FAHD1: variants seen among roughly 807,000 people sequenced by gnomAD.
FAHD1 encodes FAH domain containing oxaloacetate decarboxylase 1.
Under a neutral mutation model 12.7 loss-of-function variants are expected in FAHD1, and 14 were observed. The observed-to-expected ratio is 1.10, with a 90% CI of 0.73 to 1.72. The LOEUF is 1.72. FAHD1 is among the 40% of genes most tolerant of loss of function. The probability of loss-of-function intolerance (pLI) is 0.00; values close to 1 mark genes in which losing one functional copy is unlikely to be tolerated. For missense variants in FAHD1, 351 were observed against 298.9 expected (o/e 1.17, Z -1.29); for synonymous variants, 153 against 124.9 (o/e 1.22, Z -1.50).
At position 1,827,771 on chromosome 16, in the gene FAHD1, C is replaced by T. The variant is rs778963849; in HGVS notation, c.533C>T (p.Thr178Ile). Residue 178 changes from threonine (T) to isoleucine (I), a missense_variant, in exon 1 of 1, where the codon ACC becomes ATC. Thr to Ile is a moderately conservative substitution (Grantham distance 89). Transcript: ENST00000427358. ...ATCAGCTATGTTTCTAAGATCATAA[C>T]CTTGGAAGAAGGAGATATTATCTTG... 59 of 1,613,938 alleles carry T rather than the reference C, an allele frequency of 3.7e-5. No homozygotes were observed. The highest frequency in any genetic ancestry group is 4.9e-5 in the Non-Finnish European group (58 of 1,180,018).
chr16:1,828,106 C>T (rs184927777), exon 1 of FAHD1: 3 of 1,071,298 alleles, frequency 2.8e-6, no homozygotes, highest in Admixed American at 3.2e-5. Context: ...AGGGTGAAAC[C>T]CCGTCTCTAC....
At chr16:1,829,881 G>A (rs1235248527), downstream of FAHD1, among the ~76,000 whole-genome samples, 3 of 119,564 alleles carry the variant, frequency 2.5e-5, no homozygotes, top group Non-Finnish European at 5.5e-5. Flanking sequence ...TTTTCTTTTT[G>A]AGATGGCGTT....
downstream of FAHD1, among the ~76,000 whole-genome samples, chr16:1,833,678 C>G (rs1898665996): frequency 6.6e-6 from 1 of 151,128 alleles, no homozygotes; most frequent in African/African-American, 2.4e-5. Context: ...TCTCCTGCCT[C>G]AGCCTCCCGA....
chr16:1,836,891 T>C (rs1898761524), intron 1 of FAHD1, among the ~76,000 whole-genome samples: 1 of 152,200 alleles, frequency 6.6e-6, no homozygotes, highest in African/African-American at 2.4e-5. Flanking sequence ...GTACAGCAAG[T>C]ATCAGTAGAT....
At chr16:1,827,578 C>T (rs979179314) in exon 1 of FAHD1, 1 of 1,613,522 alleles carries the variant, frequency 6.2e-7, no homozygotes, top group Non-Finnish European at 8.5e-7. Flanking sequence ...GAAGAAGGGG[C>T]TGCCCTGGAC....
rs1259436643 is a variant in FAHD1 at position 1,827,276 on chromosome 16, G to A, written c.38G>A (p.Trp13Ter). The stretch of plus-strand genomic sequence containing the variant: ...AGGCCATTGTCCCGCTTCTGGGAGT[G>A]GGGAAAGAACATCGTCTGCGTGGGG... Residue 13 changes from tryptophan to a stop codon, truncating the protein, a stop_gained, in exon 1 of 1, where the codon TGG becomes TAG. Coordinates refer to ENST00000427358, the Ensembl canonical transcript of FAHD1. LOFTEE classifies it high-confidence loss of function. 1 of 1,612,828 alleles carries A rather than the reference G, an allele frequency of 6.2e-7. No individual in the cohort carries two copies. Among genetic ancestry groups the A allele is most frequent in the South Asian group, 1.1e-5 (1 of 91,074 alleles).
At chr16:1,832,766 C>T (rs76471926), downstream of FAHD1, among the ~76,000 whole-genome samples, 1 of 103,206 alleles carries the variant, frequency 9.7e-6, no homozygotes, top group African/African-American at 3.5e-5. Flanking sequence ...TCACTTCTCT[C>T]CTCTCCTTCC....
At position 1,828,274 on chromosome 16, in the gene FAHD1, C is replaced by A. The variant is rs74827817; in HGVS notation, c.*370C>A. 2.3e-3 allele frequency: 1,879 copies of A among 801,506 alleles called. 6 individuals carry two copies. Among genetic ancestry groups the A allele is most frequent in the Admixed American group, 0.015 (165 of 10,974 alleles). 49.6% of individuals were successfully genotyped at this position (801,506 alleles called of 1,614,324 possible). A position where few individuals can be genotyped will look rare whatever the true frequency, so the allele number is the denominator to read the frequency against. Reference sequence around the variant, plus strand: ...CCTGGGCAACAGCGAGACTCCGTCTCAAAAAAAAAAAAAAAAAAAGAAACC... The same window carrying A: ...CCTGGGCAACAGCGAGACTCCGTCTAAAAAAAAAAAAAAAAAAAAGAAACC... On this transcript the variant is annotated 3_prime_UTR_variant, in exon 1 of 1. Transcript: ENST00000427358.
chr16:1,838,794 T>C (rs568059064), intron 2 of FAHD1, among the ~76,000 whole-genome samples: 2 of 152,246 alleles, frequency 1.3e-5, no homozygotes, highest in South Asian at 4.1e-4. Context: ...TGGGCTCAAG[T>C]GATTCTCGTG....
chr16:1,828,481 A>G (rs1596953601), exon 1 of FAHD1: 2 of 1,000,500 alleles, frequency 2.0e-6, no homozygotes, highest in East Asian at 2.3e-4. Flanking sequence ...GGATTAGAGA[A>G]GACTTTTCAG....
chr16:1,830,747 T>C (rs1395428095), downstream of FAHD1, among the ~76,000 whole-genome samples: 1 of 152,184 alleles, frequency 6.6e-6, no homozygotes, highest in Non-Finnish European at 1.5e-5. Flanking sequence ...ACGTTTTGAA[T>C]ACATTTAAAC....
chr16:1,830,944 A>ACACACCCCACCCACC (rs57025691), downstream of FAHD1, among the ~76,000 whole-genome samples: 48 of 147,240 alleles, frequency 3.3e-4, no homozygotes, highest in South Asian at 8.8e-4. Context: ...ACACACACAC[A>ACACACCCCACCCACC]CCCATATTTT....
exon 1 of FAHD1, chr16:1,827,800 G>A: frequency 6.2e-7 from 1 of 1,614,130 alleles, no homozygotes; most frequent in Non-Finnish European, 8.5e-7. Flanking sequence ...TATCTTGACT[G>A]GGACGCCAAA....
At chr16:1,828,370 G>A (rs1158375122) in exon 1 of FAHD1, 3 of 1,001,908 alleles carry the variant, frequency 3.0e-6, no homozygotes, top group Non-Finnish European at 3.6e-6. Context: ...AAAACGTGAA[G>A]TAGAACGGGT....
downstream of FAHD1, chr16:1,829,001 T>C: frequency 1.2e-6 from 1 of 833,426 alleles, no homozygotes; most frequent in South Asian, 5.6e-5. Flanking sequence ...CTTTGACCTT[T>C]GGCCTTCTGA....
chr16:1,828,189 G>C, exon 1 of FAHD1: 3 of 843,110 alleles, frequency 3.6e-6, no homozygotes, highest in Non-Finnish European at 4.6e-6. Context: ...GCTGAGGCAG[G>C]AGAATCAATT....
At chr16:1,828,290 A>AG (rs1052712393) in exon 1 of FAHD1, 19 of 1,004,522 alleles carry the variant, frequency 1.9e-5, no homozygotes, top group Middle Eastern at 5.2e-4. Flanking sequence ...AAAAAAAAAA[A>AG]AAAGAAACCA....
chr16:1,828,274 CA>C (rs71145497), exon 1 of FAHD1: 26,204 of 781,602 alleles, frequency 0.034, 1 homozygote, highest in Middle Eastern at 0.039. Flanking sequence ...GACTCCGTCT[CA>C]AAAAAAAAAA....
chr16:1,829,337 GTGT>G (rs1164842894), downstream of FAHD1, among the ~76,000 whole-genome samples: 2 of 152,090 alleles, frequency 1.3e-5, no homozygotes. Flanking sequence ...GTATTTCCAC[GTGT>G]TATGTAACCA....
Sources: gnomAD v4.1 joint callset for allele counts (sites outside exome capture counted in the v4.1 genomes callset) on GRCh38, gnomAD v4.1.1 for gene constraint, MANE v1.5 for transcripts, NCBI Gene and HGNC (gene_info 2026-07-23, HGNC 2026-07-21) for gene names.